Variants in PSPC1 observed in about 807,000 individuals in gnomAD.
PSPC1 encodes paraspeckle component 1, also known as paraspeckle protein 1.
A neutral mutation model predicts 51.6 loss-of-function variants in PSPC1; 14 were observed. That is an observed-to-expected ratio of 0.27 (90% CI 0.18 to 0.42). PSPC1 has a LOEUF of 0.42. Ranked by LOEUF, PSPC1 falls within the 10% of genes least tolerant of loss-of-function variation. PSPC1 has a pLI of 1.00. For synonymous variants in PSPC1, 193 were observed against 231.9 expected (o/e 0.83, Z 1.53); for missense variants, 406 against 701.1 (o/e 0.58, Z 4.75).
intron 6 of PSPC1, among the ~76,000 whole-genome samples, chr13:19,729,406 G>A (rs1354157047): frequency 6.6e-6 from 1 of 151,748 alleles, no homozygotes; most frequent in East Asian, 1.9e-4. Flanking sequence ...GTGTGGTGGT[G>A]CGCACCTGTA....
downstream of PSPC1, chr13:19,671,953 A>G (rs1876154887): frequency 9.7e-6 from 14 of 1,445,080 alleles, no homozygotes; most frequent in Admixed American, 1.4e-4. Context: ...GAATTCTTCT[A>G]GCACATCTAT....
At chr13:19,722,486 C>T (rs916573541) in intron 6 of PSPC1, among the ~76,000 whole-genome samples, 4 of 149,768 alleles carry the variant, frequency 2.7e-5, no homozygotes, top group Admixed American at 6.7e-5. Context: ...GGTGACACAG[C>T]GAGAGCCTGT....
chr13:19,729,516 G>A (rs922689977), intron 6 of PSPC1, among the ~76,000 whole-genome samples: 3 of 145,122 alleles, frequency 2.1e-5, no homozygotes, highest in African/African-American at 7.8e-5. Context: ...CAGCCTGGTT[G>A]ACAGAGCAAG....
intron 5 of PSPC1, among the ~76,000 whole-genome samples, chr13:19,739,697 C>T (rs925059144): frequency 4.0e-5 from 6 of 151,786 alleles, no homozygotes; most frequent in African/African-American, 1.2e-4. Context: ...GAGCCAAGAT[C>T]GCACCATTGC....
At chr13:19,749,192 C>T (rs1290774301) in intron 4 of PSPC1, among the ~76,000 whole-genome samples, 3 of 152,000 alleles carry the variant, frequency 2.0e-5, no homozygotes, top group African/African-American at 4.8e-5. Context: ...ACTAAAAATA[C>T]AAAAAATTAG....
intron 1 of PSPC1, among the ~76,000 whole-genome samples, chr13:19,773,515 G>A (rs1888811708): frequency 6.6e-6 from 1 of 152,016 alleles, no homozygotes; most frequent in South Asian, 2.1e-4. Flanking sequence ...TGGGATTACA[G>A]GCGTGAGCCA....
At chr13:19,732,270 G>T (rs1884211126) in intron 5 of PSPC1, among the ~76,000 whole-genome samples, 1 of 152,036 alleles carries the variant, frequency 6.6e-6, no homozygotes. Context: ...TCCATTTCCT[G>T]GATATTAACA....
chr13:19,671,788 G>A, downstream of PSPC1: 1 of 1,586,298 alleles, frequency 6.3e-7, no homozygotes, highest in African/African-American at 1.3e-5. Context: ...GTAAGAAAGG[G>A]GAAATCTGGA....
chr13:19,753,245 T>C (rs965644268), intron 3 of PSPC1, among the ~76,000 whole-genome samples: 1 of 139,974 alleles, frequency 7.1e-6, no homozygotes, highest in African/African-American at 2.7e-5. Flanking sequence ...ATTGTGCCAC[T>C]GCACTCCAGC....
At chr13:19,696,499 GCA>G (rs34350489) in intron 6 of PSPC1, among the ~76,000 whole-genome samples, 20,806 of 147,282 alleles carry the variant, frequency 0.14, 1,527 homozygotes, top group Middle Eastern at 0.17. Context: ...ACACACACAC[GCA>G]CACACACACA....
At chr13:19,757,016 G>C (rs890225509) in intron 3 of PSPC1, among the ~76,000 whole-genome samples, 2 of 151,766 alleles carry the variant, frequency 1.3e-5, no homozygotes, top group Non-Finnish European at 2.9e-5. Flanking sequence ...TACAGTCCCA[G>C]CTACTTGGGA....
chr13:19,701,618 T>G (rs1474141561), downstream of PSPC1, among the ~76,000 whole-genome samples: 1 of 152,230 alleles, frequency 6.6e-6, no homozygotes, highest in African/African-American at 2.4e-5. Context: ...TATGAAAATT[T>G]TAATTAGTAT....
At chr13:19,739,985 A>T (rs1213640580) in intron 5 of PSPC1, among the ~76,000 whole-genome samples, 1 of 151,984 alleles carries the variant, frequency 6.6e-6, no homozygotes, top group African/African-American at 2.4e-5. Flanking sequence ...GGGAGGCTTG[A>T]GACTACATTC....
At chr13:19,752,452 CAT>C (rs1242065523) in intron 3 of PSPC1, among the ~76,000 whole-genome samples, 2 of 151,890 alleles carry the variant, frequency 1.3e-5, no homozygotes, top group African/African-American at 4.8e-5. Flanking sequence ...ATTTTAGAGA[CAT>C]ATAAAAAATA....
chr13:19,780,166 G>T (rs1189891098), intron 1 of PSPC1, among the ~76,000 whole-genome samples: 1 of 73,534 alleles, frequency 1.4e-5, no homozygotes, highest in Non-Finnish European at 3.2e-5. Context: ...CCGGCCAGCC[G>T]CCCCGTCCGG....
At position 19,763,673 on chromosome 13, in the gene PSPC1, T is replaced by C. The variant is rs1373878692; in HGVS notation, c.675-4255A>G. 3.9e-5 allele frequency among the ~76,000 whole-genome samples: 6 copies of C among 152,144 alleles called. 1 individual carries two copies. Among genetic ancestry groups the C allele is most frequent in the Admixed American group, 2.0e-4 (3 of 15,252 alleles). The stretch of plus-strand genomic sequence containing the variant: ...AACGAAAGAAGAAAGGTAGGGCACT[T>C]AGCACAGTTCTTGGTAAAGAGAGTT... On this transcript the variant is annotated intron_variant, in intron 2 of 8. Transcript: ENST00000338910.
chr13:19,695,564 C>T (rs1291291115), intron 6 of PSPC1, among the ~76,000 whole-genome samples: 1 of 151,948 alleles, frequency 6.6e-6, no homozygotes, highest in African/African-American at 2.4e-5. Context: ...AGCAACAGAT[C>T]AAATATAAAG....
In PSPC1 at chr13:19,782,268, G is replaced by A. The variant is rs546038962; in HGVS notation, c.372+118C>T. 4 of 1,395,844 alleles carry A rather than the reference G, an allele frequency of 2.9e-6. No individual in the cohort carries two copies. Among genetic ancestry groups the A allele is most frequent in the Admixed American group, 2.7e-5 (1 of 36,892 alleles). 86.5% of individuals were successfully genotyped at this position (1,395,844 alleles called of 1,614,324 possible). On this transcript the variant is annotated intron_variant, in intron 1 of 8. Coordinates refer to ENST00000338910, the MANE Select transcript of PSPC1 (RefSeq NM_001354909.2). This position sits in a 1 kb window ranked among gnomAD's most constrained non-coding sequence, Gnocchi z 4.5. ...CACAGAGGAATCGATGAGGCCGAGC[G>A]GCGCCACGGTTGCCACAGGTTGAGA...
intron 1 of PSPC1, among the ~76,000 whole-genome samples, chr13:19,774,576 G>GA (rs2138328931): frequency 1.3e-5 from 2 of 152,040 alleles, no homozygotes; most frequent in South Asian, 2.1e-4. Context: ...GAGGCAGGTA[G>GA]ATCACTTGAG....
Sources: allele counts gnomAD v4.1 joint callset (sites outside exome capture counted in the v4.1 genomes callset), GRCh38; gene constraint gnomAD v4.1.1; non-coding constraint Gnocchi (gnomAD v3.1); transcripts MANE v1.5; gene names NCBI Gene and HGNC (gene_info 2026-07-23, HGNC 2026-07-21).